Variants in DACH1 observed in about 807,000 individuals in gnomAD.
The protein encoded by DACH1 is dachshund family transcription factor 1, also known as dachshund homolog 1.
Under a neutral mutation model 54.2 loss-of-function variants are expected in DACH1, and 12 were observed. The observed-to-expected ratio is 0.22, with a 90% CI of 0.14 to 0.36. The LOEUF (loss-of-function observed/expected upper bound fraction) is 0.36, where lower values mean the gene tolerates loss of function less well. DACH1 is among the 10% of genes least tolerant of loss of function. The pLI is 1.00. For synonymous variants in DACH1, 386 were observed against 366.2 expected (o/e 1.05, Z -0.62); for missense variants, 805 against 929.8 (o/e 0.87, Z 1.75).
chr13:71,583,072 T>C (rs1450469132), intron 3 of DACH1, among the ~76,000 whole-genome samples: 1 of 152,304 alleles, frequency 6.6e-6, no homozygotes, highest in East Asian at 1.9e-4. Context: ...AAAATATCAA[T>C]CTTCATAGGC....
At chr13:71,531,696 A>G (rs1882426389) in intron 6 of DACH1, among the ~76,000 whole-genome samples, 1 of 151,964 alleles carries the variant, frequency 6.6e-6, no homozygotes, top group Non-Finnish European at 1.5e-5. Flanking sequence ...CATTACTGGG[A>G]AATAGAAGTA....
At chr13:71,779,627 T>A (rs1413661949) in intron 1 of DACH1, among the ~76,000 whole-genome samples, 1 of 152,082 alleles carries the variant, frequency 6.6e-6, no homozygotes, top group African/African-American at 2.4e-5. Flanking sequence ...GAAGCTCAAG[T>A]GGTAAAACAA....
At chr13:71,628,702 G>A (rs906787099) in intron 3 of DACH1, among the ~76,000 whole-genome samples, 8 of 151,978 alleles carry the variant, frequency 5.3e-5, no homozygotes, top group African/African-American at 7.2e-5. Context: ...GATAGGCTAC[G>A]TACCAAAATA....
intron 2 of DACH1, among the ~76,000 whole-genome samples, chr13:71,662,071 A>G (rs1879528850): frequency 1.3e-5 from 2 of 152,086 alleles, no homozygotes; most frequent in African/African-American, 4.8e-5. Flanking sequence ...AAGACGTAAC[A>G]ACCACAAATG....
chr13:71,710,209 T>C (rs911604172), intron 1 of DACH1, among the ~76,000 whole-genome samples: 6 of 152,168 alleles, frequency 3.9e-5, no homozygotes, highest in African/African-American at 1.4e-4. Context: ...CTTCAAAATA[T>C]CATAAGGCTT....
At chr13:71,453,205 T>G (rs964242319) in intron 10 of DACH1, among the ~76,000 whole-genome samples, 1 of 152,154 alleles carries the variant, frequency 6.6e-6, no homozygotes, top group Non-Finnish European at 1.5e-5. Context: ...TCTTATTACT[T>G]TCTCCATTCT....
chr13:71,628,133 T>C (rs901833777), intron 3 of DACH1, among the ~76,000 whole-genome samples: 1 of 152,052 alleles, frequency 6.6e-6, no homozygotes, highest in Non-Finnish European at 1.5e-5. Flanking sequence ...AGCAAGTCAT[T>C]ACTGAACACT....
chr13:71,727,086 T>C (rs983597589), intron 1 of DACH1, among the ~76,000 whole-genome samples: 32 of 152,150 alleles, frequency 2.1e-4, no homozygotes, highest in African/African-American at 7.5e-4. Flanking sequence ...GAGAAACAAG[T>C]CTTCAAAAAA....
intron 3 of DACH1, among the ~76,000 whole-genome samples, chr13:71,622,537 A>G (rs1277944927): frequency 6.6e-6 from 1 of 151,950 alleles, no homozygotes; most frequent in African/African-American, 2.4e-5. Context: ...CAAATTGAAT[A>G]TGACCTGGGG....
At position 71,866,917 on chromosome 13, in the gene DACH1, A is replaced by C; in HGVS notation, c.-148T>G. 2.2e-5 allele frequency: 12 copies of C among 550,174 alleles called. No homozygotes were observed. The highest frequency in any genetic ancestry group is 9.0e-5 in the East Asian group (2 of 22,110). 34.1% of individuals were successfully genotyped at this position (550,174 alleles called of 1,614,324 possible). On this transcript the variant is annotated 5_prime_UTR_variant, in exon 1 of 11. Transcript: ENST00000613252. ...AGAACGAGAAGGAGAAAGGGAGAGA[A>C]GGGGGAGAAAAGGAGGTGAAGGTAA...
chr13:71,782,095 A>C (rs1886407169), intron 1 of DACH1, among the ~76,000 whole-genome samples: 2 of 152,144 alleles, frequency 1.3e-5, no homozygotes, highest in Non-Finnish European at 2.9e-5. Context: ...CATTTCACTC[A>C]TGTCTCATCC....
At chr13:71,569,665 G>T (rs1593911335) in intron 4 of DACH1, among the ~76,000 whole-genome samples, 1 of 152,054 alleles carries the variant, frequency 6.6e-6, no homozygotes, top group East Asian at 1.9e-4. Context: ...GCTAAACAAA[G>T]AATATTTTTA....
intron 10 of DACH1, among the ~76,000 whole-genome samples, chr13:71,474,584 T>C (rs192856420): frequency 5.9e-5 from 9 of 152,298 alleles, no homozygotes; most frequent in African/African-American, 1.9e-4. Flanking sequence ...CAACTCCCTT[T>C]GGTATGCTAT....
chr13:71,824,805 T>A (rs567617241), intron 1 of DACH1, among the ~76,000 whole-genome samples: 6 of 152,206 alleles, frequency 3.9e-5, no homozygotes, highest in African/African-American at 1.4e-4. Context: ...TTTCCTCTCA[T>A]AAAGTCAATA....
intron 3 of DACH1, among the ~76,000 whole-genome samples, chr13:71,588,938 A>C (rs1873484930): frequency 6.6e-6 from 1 of 152,006 alleles, no homozygotes; most frequent in South Asian, 2.1e-4. Flanking sequence ...GAGATGTTTA[A>C]ATATTAAGTC....
chr13:71,706,928 C>G (rs909641525), intron 1 of DACH1, among the ~76,000 whole-genome samples: 1 of 152,118 alleles, frequency 6.6e-6, no homozygotes, highest in African/African-American at 2.4e-5. Context: ...TATTGATAAA[C>G]TATGATTTTC....
intron 2 of DACH1, among the ~76,000 whole-genome samples, chr13:71,678,984 A>C (rs1269936396): frequency 6.6e-6 from 1 of 152,076 alleles, no homozygotes; most frequent in African/African-American, 2.4e-5. Flanking sequence ...AATCCAGTTT[A>C]TGCTCCTAAT....
chr13:71,469,811 G>T (rs752490021), intron 10 of DACH1, among the ~76,000 whole-genome samples: 5 of 152,150 alleles, frequency 3.3e-5, no homozygotes, highest in African/African-American at 9.7e-5. Context: ...TTAGAAAAAA[G>T]ATTTTTAATG....
chr13:71,553,659 TATATATATATGC>T lies in DACH1; in HGVS notation c.1570+3353_1570+3364del, dbSNP rs967006071. ...TTGTATTTTATATATATAGTATATA[TATATATATATGC>T]ATATATATATGCCTTAATTATACTC... On this transcript the variant is annotated intron_variant, in intron 6 of 10. Coordinates refer to ENST00000613252, the MANE Select transcript of DACH1 (RefSeq NM_080759.6). Among the ~76,000 whole-genome samples the T allele has an allele frequency of 2.7e-5, 4 of 146,532 alleles. No homozygotes were observed. The Admixed American group carries it at 2.8e-4, about 10-fold the overall frequency.
Sources: allele counts gnomAD v4.1 joint callset (sites outside exome capture counted in the v4.1 genomes callset), GRCh38; gene constraint gnomAD v4.1.1; transcripts MANE v1.5; gene names NCBI Gene and HGNC (gene_info 2026-07-23, HGNC 2026-07-21).